Variants in ASNS observed in about 807,000 individuals in gnomAD.
ASNS encodes the protein asparagine synthetase (glutamine-hydrolyzing).
ASNS carries 37 observed loss-of-function variants against 62.6 expected under a neutral mutation model. That is an observed-to-expected ratio of 0.59 (90% CI 0.45 to 0.78). The LOEUF (loss-of-function observed/expected upper bound fraction) is 0.78. Among genes scored for constraint, ASNS ranks in the 30% least tolerant of loss-of-function variants. ASNS has a pLI of 0.00. For missense variants in ASNS, 520 were observed against 682.4 expected (o/e 0.76, Z 2.65); for synonymous variants, 207 against 237.9 (o/e 0.87, Z 1.19).
the ASNS span, among the ~76,000 whole-genome samples, chr7:97,903,891 A>G: frequency 6.6e-6 from 1 of 152,222 alleles, no homozygotes; most frequent in Non-Finnish European, 1.5e-5. Flanking sequence ...GTCGTGTTTT[A>G]ATATAATTAG....
At chr7:97,915,919 G>A in the ASNS span, among the ~76,000 whole-genome samples, 7 of 152,134 alleles carry the variant, frequency 4.6e-5, no homozygotes, top group Admixed American at 2.0e-4. Flanking sequence ...AAAAGCACAC[G>A]ATGAGGCTCT....
At chr7:97,898,925 A>G in the ASNS span, 12 of 1,226,004 alleles carry the variant, frequency 9.8e-6, no homozygotes, top group East Asian at 1.6e-4. Context: ...CACTTCAAAC[A>G]CAAGACCCTT....
chr7:97,919,826 C>G, the ASNS span, among the ~76,000 whole-genome samples: 1 of 151,978 alleles, frequency 6.6e-6, no homozygotes, highest in African/African-American at 2.4e-5. Context: ...TCTACAACAG[C>G]CTGAACACAA....
At chr7:97,899,184 G>A in the ASNS span, 1 of 261,072 alleles carries the variant, frequency 3.8e-6, no homozygotes. Flanking sequence ...ATTTCACGAT[G>A]TTGGCCAAGC....
the ASNS span, among the ~76,000 whole-genome samples, chr7:97,925,030 G>A: frequency 1.3e-5 from 2 of 152,080 alleles, no homozygotes; most frequent in African/African-American, 2.4e-5. Flanking sequence ...CCAGCTACTC[G>A]GGAGGCTGAG....
the ASNS span, among the ~76,000 whole-genome samples, chr7:97,882,291 G>C: frequency 6.6e-6 from 1 of 152,208 alleles, no homozygotes. Flanking sequence ...GCTCACGCCT[G>C]TAATCCTAGC....
intron 7 of ASNS, 129 bp downstream of exon 7, chr7:97,858,149 A>G (rs1210393119): frequency 2.4e-6 from 3 of 1,238,464 alleles, no homozygotes; most frequent in Non-Finnish European, 2.2e-6. Context: ...CTATTTTAAT[A>G]CAATCAATTT....
At chr7:97,858,610 C>T (rs1791570237) in intron 6 of ASNS, among the ~76,000 whole-genome samples, 1 of 152,150 alleles carries the variant, frequency 6.6e-6, no homozygotes, top group African/African-American at 2.4e-5. Context: ...AAAATCACTA[C>T]ACAGAATTCT....
intron 3 of ASNS, 62 bp from the exon 4 acceptor site, chr7:97,864,558 A>C: frequency 8.7e-7 from 1 of 1,144,000 alleles, no homozygotes; most frequent in Non-Finnish European, 1.3e-6. Flanking sequence ...ATAATTTTTT[A>C]TTGCAAAGAT....
chr7:97,896,741 C>CACACACATATATAT, the ASNS span, among the ~76,000 whole-genome samples: 3 of 19,780 alleles, frequency 1.5e-4, no homozygotes, highest in African/African-American at 3.3e-4. Flanking sequence ...CACACACACA[C>CACACACATATATAT]ATATATATAT....
chr7:97,860,648 G>A (rs1485358986), intron 4 of ASNS, among the ~76,000 whole-genome samples: 1 of 152,172 alleles, frequency 6.6e-6, no homozygotes, highest in Non-Finnish European at 1.5e-5. Context: ...AAAATTAAGT[G>A]AGAAAGAATT....
At chr7:97,922,984 T>A in the ASNS span, among the ~76,000 whole-genome samples, 168 of 146,234 alleles carry the variant, frequency 1.1e-3, 2 homozygotes, top group African/African-American at 4.0e-3. Flanking sequence ...TAGAGACAGT[T>A]CCGCCATGTT....
chr7:97,876,552 T>C (rs28492690), upstream of ASNS, among the ~76,000 whole-genome samples: 123,714 of 151,174 alleles, frequency 0.82, 51,298 homozygotes, highest in African/African-American at 0.95. Flanking sequence ...CTCAGCCTCC[T>C]GAGTAGCTGG....
At chr7:97,856,931 AGGG>A in intron 7 of ASNS, 115 bp from the exon 8 acceptor site, 1 of 1,131,358 alleles carries the variant, frequency 8.8e-7, no homozygotes, top group Non-Finnish European at 1.3e-6. Context: ...AAACTAAACA[AGGG>A]AAAAAAAGAA....
chr7:97,900,272 G>C, the ASNS span, among the ~76,000 whole-genome samples: 6 of 142,428 alleles, frequency 4.2e-5, no homozygotes, highest in Non-Finnish European at 7.6e-5. Flanking sequence ...TGAGGCAGGA[G>C]AGTAACTTGA....
At chr7:97,875,458 G>A (rs1792419042), upstream of ASNS, among the ~76,000 whole-genome samples, 1 of 152,152 alleles carries the variant, frequency 6.6e-6, no homozygotes, top group African/African-American at 2.4e-5. Context: ...CTTATTCTTG[G>A]TCACGTTGCA....
chr7:97,870,767 G>C (rs1241126428), intron 1 of ASNS, among the ~76,000 whole-genome samples: 1 of 152,166 alleles, frequency 6.6e-6, no homozygotes, highest in Non-Finnish European at 1.5e-5. Flanking sequence ...ATGGTCATCA[G>C]GGAATCAGTT....
At chr7:97,859,532 G>A (rs1791617876) in intron 4 of ASNS, 134 bp from the exon 5 acceptor site, 2 of 962,482 alleles carry the variant, frequency 2.1e-6, no homozygotes, top group African/African-American at 1.7e-5. Flanking sequence ...AGCAAAATAG[G>A]AAAAAAAATT....
chr7:97,886,504 CG>C, the ASNS span, among the ~76,000 whole-genome samples: 1 of 152,074 alleles, frequency 6.6e-6, no homozygotes. Context: ...GCTGTGATAT[CG>C]GGTTTTCTTA....
Sources: gnomAD v4.1 joint callset for allele counts (sites outside exome capture counted in the v4.1 genomes callset) on GRCh38, gnomAD v4.1.1 for gene constraint, MANE v1.5 for transcripts, NCBI Gene and HGNC (gene_info 2026-07-23, HGNC 2026-07-21) for gene names.